The following GALNT13 variants were observed in gnomAD, a reference collection of about 807,000 sequenced individuals.
GALNT13 encodes the protein UDP-GalNAc:polypeptide N-acetylgalactosaminyltransferase 13.
In GALNT13, 28 loss-of-function variants were observed where a neutral mutation model predicts 64.2. That is an observed-to-expected ratio of 0.44 (90% CI 0.32 to 0.60). GALNT13 has a LOEUF of 0.60. GALNT13 is among the 20% of genes least tolerant of loss of function. The probability of loss-of-function intolerance (pLI) is 0.05; values close to 1 mark genes in which losing one functional copy is unlikely to be tolerated. For synonymous variants in GALNT13, 214 were observed against 224.6 expected (o/e 0.95, Z 0.42); for missense variants, 577 against 669.8 (o/e 0.86, Z 1.53).
At chr2:153,327,321 G>GT in the GALNT13 span, among the ~76,000 whole-genome samples, 2 of 152,048 alleles carry the variant, frequency 1.3e-5, no homozygotes, top group African/African-American at 4.8e-5. Context: ...GGTGTTCTCT[G>GT]TATTTCCCAA....
the GALNT13 span, among the ~76,000 whole-genome samples, chr2:153,327,250 A>G: frequency 9.9e-5 from 15 of 152,064 alleles, no homozygotes; most frequent in Admixed American, 9.2e-4. Context: ...CCTTCATTTC[A>G]GCCATGGTGA....
chr2:154,110,238 G>A (rs1201028210), intron 3 of GALNT13, among the ~76,000 whole-genome samples: 2 of 135,086 alleles, frequency 1.5e-5, no homozygotes, highest in Admixed American at 7.9e-5. Flanking sequence ...GGGAGCAGGT[G>A]TGGACTAGTG....
chr2:153,618,238 T>C, the GALNT13 span, among the ~76,000 whole-genome samples: 1 of 151,956 alleles, frequency 6.6e-6, no homozygotes, highest in Non-Finnish European at 1.5e-5. Flanking sequence ...TATCATTTGT[T>C]TCAGGAATTT....
At chr2:153,300,394 A>T in the GALNT13 span, among the ~76,000 whole-genome samples, 4 of 152,162 alleles carry the variant, frequency 2.6e-5, no homozygotes, top group Non-Finnish European at 5.9e-5. Context: ...AACAATACTT[A>T]TGTGAGGGCT....
chr2:153,327,037 T>C, the GALNT13 span, among the ~76,000 whole-genome samples: 2 of 151,978 alleles, frequency 1.3e-5, no homozygotes, highest in African/African-American at 4.8e-5. Context: ...TGAGCCGAGA[T>C]AGGGCCACTG....
the GALNT13 span, among the ~76,000 whole-genome samples, chr2:153,728,424 T>A: frequency 1.3e-5 from 2 of 152,034 alleles, no homozygotes; most frequent in Non-Finnish European, 2.9e-5. Context: ...CTGACTTTTT[T>A]AAAGAAGTTA....
chr2:153,227,126 G>A, the GALNT13 span, among the ~76,000 whole-genome samples: 10 of 152,216 alleles, frequency 6.6e-5, no homozygotes, highest in Admixed American at 6.5e-4. Context: ...TTCAAGTGGG[G>A]ATGTTTTGGG....
the GALNT13 span, among the ~76,000 whole-genome samples, chr2:153,208,691 G>A: frequency 6.6e-6 from 1 of 152,098 alleles, no homozygotes; most frequent in Non-Finnish European, 1.5e-5. Flanking sequence ...TAGGTTGTAT[G>A]ATAAGTGTAT....
the GALNT13 span, among the ~76,000 whole-genome samples, chr2:153,633,080 T>C: frequency 2.6e-5 from 4 of 152,134 alleles, no homozygotes; most frequent in Non-Finnish European, 5.9e-5. Context: ...TTTATATTAA[T>C]AAATAATATT....
At chr2:153,844,139 T>G in the GALNT13 span, among the ~76,000 whole-genome samples, 1 of 152,146 alleles carries the variant, frequency 6.6e-6, no homozygotes, top group African/African-American at 2.4e-5. Context: ...CAATCCCACA[T>G]GTCCCCTCCA....
the GALNT13 span, among the ~76,000 whole-genome samples, chr2:153,111,308 A>G: frequency 1.3e-5 from 2 of 152,060 alleles, no homozygotes; most frequent in East Asian, 3.8e-4. Flanking sequence ...ACAGTAAAAA[A>G]CTAAACCTGT....
Position 154,437,452 on chromosome 2 carries a change from T to C in GALNT13, c.1396-1140T>C, listed in dbSNP as rs935280780. 21 of 938,150 alleles carry C rather than the reference T, an allele frequency of 2.2e-5. No homozygotes were observed. The East Asian group carries it at 1.1e-3, about 47-fold the overall frequency. The allele number at this position is 938,150 out of a possible 1,614,324, so 58.1% of individuals were successfully genotyped here. Reference sequence around the variant, plus strand: ...AACAAAAAGACCCTGACATGACCTTTCTCATTATGTATTCTGTTGACATTG... The same window carrying C: ...AACAAAAAGACCCTGACATGACCTTCCTCATTATGTATTCTGTTGACATTG... On this transcript the variant is annotated intron_variant, in intron 11 of 12. Coordinates refer to ENST00000392825, the MANE Select transcript of GALNT13 (RefSeq NM_052917.4).
chr2:154,167,179 G>A (rs977772273), intron 4 of GALNT13, among the ~76,000 whole-genome samples: 8 of 152,034 alleles, frequency 5.3e-5, no homozygotes, highest in African/African-American at 1.9e-4. Context: ...AATATTGTTA[G>A]GGCCTATCAG....
At chr2:153,192,591 G>A in the GALNT13 span, among the ~76,000 whole-genome samples, 1 of 152,042 alleles carries the variant, frequency 6.6e-6, no homozygotes, top group Non-Finnish European at 1.5e-5. Context: ...GCTGAGAGTG[G>A]TGTGTTGAAG....
At chr2:153,955,811 C>G (rs1225655262) in intron 3 of GALNT13, among the ~76,000 whole-genome samples, 1 of 152,160 alleles carries the variant, frequency 6.6e-6, no homozygotes, top group African/African-American at 2.4e-5. Context: ...GCTTGCCAAC[C>G]TCCACTCTCA....
chr2:153,762,467 T>C, the GALNT13 span: 66,199 of 153,878 alleles, frequency 0.43, 15,602 homozygotes, highest in African/African-American at 0.62. Flanking sequence ...TATACAATTC[T>C]CTTTTCGTGG....
At chr2:154,143,425 C>T (rs1558983271) in intron 4 of GALNT13, among the ~76,000 whole-genome samples, 1 of 151,710 alleles carries the variant, frequency 6.6e-6, no homozygotes, top group East Asian at 1.9e-4. Context: ...ACTAGGTAAA[C>T]ACTATTTCAA....
chr2:154,426,236 G>A (rs538128044), intron 11 of GALNT13, among the ~76,000 whole-genome samples: 6 of 152,266 alleles, frequency 3.9e-5, no homozygotes, highest in African/African-American at 9.6e-5. Context: ...CCAGGGTTGC[G>A]CTCTGCCAGC....
intron 3 of GALNT13, among the ~76,000 whole-genome samples, chr2:153,975,779 G>C (rs1694037523): frequency 6.6e-6 from 1 of 152,040 alleles, no homozygotes; most frequent in Non-Finnish European, 1.5e-5. Flanking sequence ...AAACTGTGTT[G>C]CATACTTGAA....
Sources: gnomAD v4.1 joint callset for allele counts (sites outside exome capture counted in the v4.1 genomes callset) on GRCh38, gnomAD v4.1.1 for gene constraint, MANE v1.5 for transcripts, NCBI Gene and HGNC (gene_info 2026-07-23, HGNC 2026-07-21) for gene names.